TEAD1: variants seen among roughly 807,000 people sequenced by gnomAD.
TEAD1 encodes the protein TEA domain transcription factor 1.
A neutral mutation model predicts 54.9 loss-of-function variants in TEAD1; 9 were observed. That is an observed-to-expected ratio of 0.16 (90% CI 0.10 to 0.29). TEAD1 has a LOEUF of 0.29. TEAD1 is among the 10% of genes least tolerant of loss of function. The probability of loss-of-function intolerance (pLI) is 1.00; values close to 1 mark genes in which losing one functional copy is unlikely to be tolerated. For missense variants in TEAD1, 387 were observed against 535.9 expected (o/e 0.72, Z 2.74); for synonymous variants, 200 against 187.8 (o/e 1.07, Z -0.53).
In TEAD1 at chr11:12,896,576, A is replaced by G. The variant is rs564425612; in HGVS notation, c.700-5364A>G. 1.7e-3 allele frequency among the ~76,000 whole-genome samples: 264 copies of G among 152,316 alleles called. 2 individuals are homozygous for G. The South Asian group carries it at 0.02, about 12-fold the overall frequency. On this transcript the variant is annotated intron_variant, in intron 9 of 12. Transcript: ENST00000527636. ...TTCATGTTTTCTAGGTGATTTCCAC[A>G]TATTTTCTCCTTGCTAATGAACAAT...
intron 2 of TEAD1, among the ~76,000 whole-genome samples, chr11:12,754,947 C>G (rs937469683): frequency 1.3e-5 from 2 of 152,208 alleles, no homozygotes; most frequent in Non-Finnish European, 2.9e-5. Flanking sequence ...AGGCCCTGGA[C>G]TACTTTTGTA....
chr11:12,911,134 A>G (rs1948610736), intron 10 of TEAD1, among the ~76,000 whole-genome samples: 1 of 152,212 alleles, frequency 6.6e-6, no homozygotes, highest in South Asian at 2.1e-4. Context: ...GATTTTATAA[A>G]ACAAAAAAAG....
chr11:12,675,872 A>G (rs1943074579), intron 2 of TEAD1, among the ~76,000 whole-genome samples: 1 of 152,226 alleles, frequency 6.6e-6, no homozygotes, highest in Non-Finnish European at 1.5e-5. Context: ...CTTTTTTAAA[A>G]GATTTATTTA....
At chr11:12,904,345 A>G (rs1278334104) in intron 10 of TEAD1, among the ~76,000 whole-genome samples, 4 of 152,238 alleles carry the variant, frequency 2.6e-5, no homozygotes, top group African/African-American at 4.8e-5. Flanking sequence ...AAATTAGAAT[A>G]CTGGGAAATT....
chr11:12,904,867 C>T (rs1948491734), intron 10 of TEAD1: 2 of 361,896 alleles, frequency 5.5e-6, no homozygotes, highest in East Asian at 1.9e-4. Flanking sequence ...AGAATGCTCA[C>T]ACCTGTTACG....
At chr11:12,879,982 T>C in intron 6 of TEAD1, 140 bp downstream of exon 6, 1 of 1,309,424 alleles carries the variant, frequency 7.6e-7, no homozygotes, top group Non-Finnish European at 1.1e-6. Flanking sequence ...AACTGATAAC[T>C]GAGTCTAAAG....
At position 12,763,104 on chromosome 11, in the gene TEAD1, G is replaced by A. The variant is rs1369016678; in HGVS notation, c.-54-1075G>A. Among the ~76,000 whole-genome samples, 3 of 152,320 alleles carry A rather than the reference G, an allele frequency of 2.0e-5. No homozygotes were observed. In the East Asian group the frequency reaches 5.8e-4, roughly 29 times the overall value. On this transcript the variant is annotated intron_variant, in intron 2 of 12. Transcript: ENST00000527636. ...GGAATATTGATATGTTAGTGTGCCA[G>A]ACAGCAGGGAGTACTGGATTAGATC...
intron 9 of TEAD1, among the ~76,000 whole-genome samples, chr11:12,897,367 C>G (rs1018566034): frequency 1.3e-5 from 2 of 152,196 alleles, no homozygotes; most frequent in African/African-American, 4.8e-5. Flanking sequence ...TTTTAGAATT[C>G]ATTTCATTAA....
intron 3 of TEAD1, among the ~76,000 whole-genome samples, chr11:12,822,185 G>A (rs1254013202): frequency 6.6e-6 from 1 of 151,870 alleles, no homozygotes; most frequent in Non-Finnish European, 1.5e-5. Context: ...GGATGGTCTC[G>A]ATCTCCTGAC....
At chr11:12,917,409 G>C (rs1382738340) in intron 10 of TEAD1, among the ~76,000 whole-genome samples, 1 of 152,176 alleles carries the variant, frequency 6.6e-6, no homozygotes, top group African/African-American at 2.4e-5. Context: ...TGACCTACAG[G>C]AATATAAAAT....
At position 12,797,365 on chromosome 11, in the gene TEAD1, A is replaced by G. The variant is rs139428336; in HGVS notation, c.202+32931A>G. On this transcript the variant is annotated intron_variant, in intron 3 of 12. Transcript: ENST00000527636. ...TCATTTCAGTCTGGGGTCTTGATGT[A>G]GCATGCATTTGGTCCTCAGACTAGG... Among the ~76,000 whole-genome samples the G allele has an allele frequency of 1.3e-4, 20 of 152,234 alleles. No homozygotes were observed. In the East Asian group the frequency reaches 2.1e-3, roughly 16 times the overall value.
At position 12,897,790 on chromosome 11, in the gene TEAD1, C is replaced by A. The variant is rs543545762; in HGVS notation, c.700-4150C>A. Reference sequence around the variant, plus strand: ...ATTTAACTTCATAGAAGTTTTAAAACGCTGTTTAGTTTTTTTGCTGTTGTT... The same window carrying A: ...ATTTAACTTCATAGAAGTTTTAAAAAGCTGTTTAGTTTTTTTGCTGTTGTT... On this transcript the variant is annotated intron_variant, in intron 9 of 12. Transcript: ENST00000527636. 3.3e-4 allele frequency among the ~76,000 whole-genome samples: 50 copies of A among 152,290 alleles called. No individual in the cohort carries two copies. In the East Asian group the frequency reaches 9.4e-3, roughly 29 times the overall value.
chr11:12,699,811 C>T (rs1443017904), intron 2 of TEAD1, among the ~76,000 whole-genome samples: 2 of 152,144 alleles, frequency 1.3e-5, no homozygotes, highest in African/African-American at 4.8e-5. Context: ...GATGACATGT[C>T]GAATTGTTTG....
chr11:12,860,179 A>G (rs143242790), intron 3 of TEAD1, among the ~76,000 whole-genome samples: 2 of 152,308 alleles, frequency 1.3e-5, no homozygotes, highest in East Asian at 3.9e-4. Flanking sequence ...CAGTTAAATA[A>G]ATAAGGGACT....
At chr11:12,922,454 C>T (rs1228096332) in intron 10 of TEAD1, 1 of 49,676 alleles carries the variant, frequency 2.0e-5, no homozygotes, top group Non-Finnish European at 4.4e-5. Context: ...CCTCGGCCTC[C>T]CAAAGTGCGG....
intron 2 of TEAD1, among the ~76,000 whole-genome samples, chr11:12,702,479 C>A (rs968891487): frequency 6.6e-6 from 1 of 151,998 alleles, no homozygotes; most frequent in Non-Finnish European, 1.5e-5. Context: ...AGGACAATGC[C>A]GAGAGTAGAA....
intron 2 of TEAD1, among the ~76,000 whole-genome samples, chr11:12,729,060 T>A (rs1944369940): frequency 6.6e-6 from 1 of 152,212 alleles, no homozygotes; most frequent in Non-Finnish European, 1.5e-5. Flanking sequence ...TGATTCTCTC[T>A]AATATTAGAG....
chr11:12,808,309 CAG>C (rs1187934361), intron 3 of TEAD1, among the ~76,000 whole-genome samples: 6 of 152,160 alleles, frequency 3.9e-5, no homozygotes, highest in Non-Finnish European at 7.4e-5. Context: ...AACAGGGCAG[CAG>C]ACTTTCCACC....
At chr11:12,678,402 A>G (rs1198845932) in intron 2 of TEAD1, among the ~76,000 whole-genome samples, 2 of 152,210 alleles carry the variant, frequency 1.3e-5, no homozygotes, top group South Asian at 2.1e-4. Flanking sequence ...GGCTGGCACA[A>G]TCTTTTATAG....
Sources: gnomAD v4.1 joint callset for allele counts (sites outside exome capture counted in the v4.1 genomes callset) on GRCh38, gnomAD v4.1.1 for gene constraint, MANE v1.5 for transcripts, NCBI Gene and HGNC (gene_info 2026-07-23, HGNC 2026-07-21) for gene names.